FNTB: variants seen among roughly 807,000 people sequenced by gnomAD.
FNTB encodes farnesyltransferase, CAAX box, subunit beta.
In FNTB, 27 loss-of-function variants were observed where a neutral mutation model predicts 59.4. The observed-to-expected ratio is 0.45, with a 90% confidence interval of 0.34 to 0.63. The LOEUF (loss-of-function observed/expected upper bound fraction) is 0.63. FNTB is among the 20% of genes least tolerant of loss of function. The pLI is 0.02. For synonymous variants in FNTB, 230 were observed against 220.7 expected (o/e 1.04, Z -0.37); for missense variants, 449 against 559.6 (o/e 0.80, Z 1.99).
intron 9 of FNTB, among the ~76,000 whole-genome samples, chr14:65,049,161 G>A (rs966311272): frequency 2.0e-5 from 3 of 151,056 alleles, no homozygotes; most frequent in African/African-American, 7.3e-5. Flanking sequence ...AATCTCAAGT[G>A]CTGACTAAAT....
chr14:65,021,184 T>C (rs2061880158), intron 4 of FNTB, among the ~76,000 whole-genome samples: 1 of 152,242 alleles, frequency 6.6e-6, no homozygotes, highest in African/African-American at 2.4e-5. Context: ...TCTTTGTTAC[T>C]GAAAGCAGCT....
chr14:65,053,532 C>T (rs1209810881), intron 10 of FNTB, among the ~76,000 whole-genome samples, 183 bp downstream of exon 10: 1 of 151,958 alleles, frequency 6.6e-6, no homozygotes, highest in Non-Finnish European at 1.5e-5. Context: ...TTGATCTTGG[C>T]ACCTCCAGCT....
rs994222864 is a variant in FNTB, at chr14:64,990,460, G to A, written c.144+3363G>A. On this transcript the variant is annotated intron_variant, in intron 1 of 11. Transcript: ENST00000246166. This position sits in a 1 kb window ranked among gnomAD's most constrained non-coding sequence, Gnocchi z 5.2. The stretch of plus-strand genomic sequence containing the variant: ...GACTTAAGGTCACATTTCCTGTCAT[G>A]TGCCTTCTCTGCGGAGCTCTTTGTC... Among the ~76,000 whole-genome samples the A allele has an allele frequency of 6.6e-6, 1 of 152,178 alleles. No individual in the cohort carries two copies. Among genetic ancestry groups the A allele is most frequent in the African/African-American group, 2.4e-5 (1 of 41,432 alleles).
rs1888438051 is a variant in FNTB, at chr14:64,997,393, A to G, written c.145-6856A>G. On this transcript the variant is annotated intron_variant, in intron 1 of 11. Coordinates refer to ENST00000246166, the MANE Select transcript of FNTB (RefSeq NM_002028.4). This position sits in a 1 kb window ranked among gnomAD's most constrained non-coding sequence, Gnocchi z 4.5. ...CCACATCCCTATGATTTCATCCCCA[A>G]CCAGTCAACATTCCCATTCCCTAAC... Among the ~76,000 whole-genome samples the G allele has an allele frequency of 6.6e-6, 1 of 152,090 alleles. No homozygotes were observed. The highest frequency in any genetic ancestry group is 1.5e-5 in the Non-Finnish European group (1 of 68,012).
Position 65,054,578 on chromosome 14 carries a change from G to T in FNTB, c.1071G>T (p.Ser357=). The change falls in exon 11 of 12, where the codon TCG becomes TCT. Residue 357 remains serine (S), a synonymous_variant. Transcript: ENST00000246166. This position sits in a 1 kb window ranked among gnomAD's most constrained non-coding sequence, Gnocchi z 4.4. ...AGGLLDKPGK[S]RDFYHTCYCL... Reference sequence around the variant, plus strand: ...TCAGAGCTGCCTGTCCTTACAGGTCGCGTGATTTCTACCACACCTGCTACT... The same window carrying T: ...TCAGAGCTGCCTGTCCTTACAGGTCTCGTGATTTCTACCACACCTGCTACT... 1.9e-6 allele frequency: 3 copies of T among 1,612,602 alleles called. No homozygotes were observed. Among genetic ancestry groups the T allele is most frequent in the Non-Finnish European group, 2.5e-6 (3 of 1,179,454 alleles).
chr14:65,003,096 T>C (rs780089019), intron 1 of FNTB, among the ~76,000 whole-genome samples: 14 of 152,160 alleles, frequency 9.2e-5, no homozygotes, highest in Non-Finnish European at 1.8e-4. Context: ...TTGTCAACCA[T>C]GTGGGGCGGT....
intron 7 of FNTB, among the ~76,000 whole-genome samples, chr14:65,037,741 A>ATTTATTATTTAT (rs372196330): frequency 6.8e-5 from 9 of 132,718 alleles, no homozygotes; most frequent in Non-Finnish European, 1.3e-4. Context: ...TTATTTATTT[A>ATTTATTATTTAT]TTATTTATTT....
At position 65,039,999 on chromosome 14, in the gene FNTB, G is replaced by T. The variant is rs114262022; in HGVS notation, c.693-791G>T. Among the ~76,000 whole-genome samples the T allele has an allele frequency of 4.1e-3, 624 of 152,016 alleles. 1 individual carries two copies. Among genetic ancestry groups the T allele is most frequent in the African/African-American group, 0.015 (606 of 41,492 alleles). The stretch of plus-strand genomic sequence containing the variant: ...AGGCCAGAAATTTAAGACCAGCCTG[G>T]GTAACATGGCAATGCCCCATCTCTA... On this transcript the variant is annotated intron_variant, in intron 7 of 11. Coordinates refer to ENST00000246166, the MANE Select transcript of FNTB (RefSeq NM_002028.4).
At chr14:65,059,545 AATT>A (rs1439744169) in intron 11 of FNTB, among the ~76,000 whole-genome samples, 1 of 152,016 alleles carries the variant, frequency 6.6e-6, no homozygotes, top group Admixed American at 6.6e-5. Context: ...GGTTTTTAAA[AATT>A]ATTGTTTTAT....
chr14:65,039,800 C>T (rs1047760420), intron 7 of FNTB, among the ~76,000 whole-genome samples: 16 of 152,024 alleles, frequency 1.1e-4, no homozygotes, highest in African/African-American at 3.6e-4. Context: ...TTAAAAATAA[C>T]GTTTATTTTT....
At chr14:65,058,094 A>G (rs2062779127) in intron 11 of FNTB, among the ~76,000 whole-genome samples, 1 of 149,668 alleles carries the variant, frequency 6.7e-6, no homozygotes, top group South Asian at 2.1e-4. Flanking sequence ...ATTTTAGATT[A>G]ATAGGAGAGA....
Position 65,012,362 on chromosome 14 carries a change from C to T in FNTB, c.255C>T (p.Gly85=). ...REKHFHYLKR[G]LRQLTDAYEC... Reference sequence around the variant, plus strand: ...AGCACTTCCATTATCTGAAAAGAGGCCTTCGACAACTGACAGATGCCTATG... The same window carrying T: ...AGCACTTCCATTATCTGAAAAGAGGTCTTCGACAACTGACAGATGCCTATG... The change falls in exon 3 of 12, where the codon GGC becomes GGT. Residue 85 remains glycine, a synonymous_variant. Coordinates refer to ENST00000246166, the MANE Select transcript of FNTB (RefSeq NM_002028.4). This position sits in a 1 kb window ranked among gnomAD's most constrained non-coding sequence, Gnocchi z 5.0. The T allele has an allele frequency of 6.2e-7, 1 of 1,614,172 alleles. No individual in the cohort carries two copies. The highest frequency in any genetic ancestry group is 8.5e-7 in the Non-Finnish European group (1 of 1,180,006).
chr14:65,041,371 G>A (rs1319504977), intron 8 of FNTB, among the ~76,000 whole-genome samples: 1 of 152,158 alleles, frequency 6.6e-6, no homozygotes, highest in East Asian at 1.9e-4. Flanking sequence ...GCATTGAGAA[G>A]GCAGCCCAAC....
intron 1 of FNTB, among the ~76,000 whole-genome samples, chr14:64,987,735 G>C (rs1046225264): frequency 2.0e-5 from 3 of 152,194 alleles, no homozygotes; most frequent in Non-Finnish European, 4.4e-5. Flanking sequence ...TGATCTAATA[G>C]AAAGAATGGA....
At chr14:65,038,133 G>C (rs1359054702) in intron 7 of FNTB, among the ~76,000 whole-genome samples, 1 of 152,132 alleles carries the variant, frequency 6.6e-6, no homozygotes, top group Non-Finnish European at 1.5e-5. Flanking sequence ...CTTTGAGGCT[G>C]GGCGTGGTGG....
At position 65,014,493 on chromosome 14, in the gene FNTB, A is replaced by G. The variant is rs1303093680; in HGVS notation, c.283-1132A>G. 3.9e-5 allele frequency among the ~76,000 whole-genome samples: 6 copies of G among 152,182 alleles called. No homozygotes were observed. The East Asian group carries it at 9.6e-4, about 24-fold the overall frequency. On this transcript the variant is annotated intron_variant, in intron 3 of 11. Coordinates refer to ENST00000246166, the MANE Select transcript of FNTB (RefSeq NM_002028.4). This position sits in a 1 kb window ranked among gnomAD's most constrained non-coding sequence, Gnocchi z 5.1. ...GCTCTCTTCCCCTACAGGTAACCAC[A>G]CACATTCTATATCCCAAGCATCTCA...
intron 8 of FNTB, among the ~76,000 whole-genome samples, chr14:65,043,083 A>T (rs1313872712): frequency 6.6e-6 from 1 of 152,166 alleles, no homozygotes; most frequent in Non-Finnish European, 1.5e-5. Flanking sequence ...TTACCTAGTA[A>T]GACTCTAGAA....
chr14:65,010,368 G>C (rs2061664256), intron 2 of FNTB, among the ~76,000 whole-genome samples: 1 of 152,202 alleles, frequency 6.6e-6, no homozygotes, highest in Non-Finnish European at 1.5e-5. Flanking sequence ...TAGTCTGTGT[G>C]TGTAACCTGA....
intron 11 of FNTB, among the ~76,000 whole-genome samples, chr14:65,055,809 G>A (rs769299438): frequency 1.3e-5 from 2 of 152,162 alleles, no homozygotes; most frequent in African/African-American, 4.8e-5. Flanking sequence ...GAGCCACCAC[G>A]CCTGGCCCCA....
Sources: allele counts gnomAD v4.1 joint callset (sites outside exome capture counted in the v4.1 genomes callset), GRCh38; gene constraint gnomAD v4.1.1; non-coding constraint Gnocchi (gnomAD v3.1); transcripts MANE v1.5; gene names NCBI Gene and HGNC (gene_info 2026-07-23, HGNC 2026-07-21).